Variants in DTNA observed in about 807,000 individuals in gnomAD.
The protein encoded by DTNA is dystrophin-related protein 3.
DTNA carries 43 observed loss-of-function variants against 100.7 expected under a neutral mutation model. The ratio of observed to expected loss-of-function variants is 0.43; its 90% confidence interval spans 0.33 to 0.55. The LOEUF is 0.55. Among genes scored for constraint, DTNA ranks in the 20% least tolerant of loss-of-function variants. The pLI is 0.04. For synonymous variants in DTNA, 349 were observed against 347.9 expected (o/e 1.00, Z -0.04); for missense variants, 798 against 953.9 (o/e 0.84, Z 2.15).
intron 1 of DTNA, among the ~76,000 whole-genome samples, chr18:34,523,456 A>T (rs1326322625): frequency 6.6e-6 from 1 of 152,178 alleles, no homozygotes; most frequent in Non-Finnish European, 1.5e-5. Context: ...TAGAATAATA[A>T]TAATTATTAA....
chr18:34,586,470 C>A (rs1463066278), intron 1 of DTNA, among the ~76,000 whole-genome samples: 1 of 152,010 alleles, frequency 6.6e-6, no homozygotes, highest in African/African-American at 2.4e-5. Context: ...TATGAAGCAG[C>A]ATGAGTTCCT....
chr18:34,687,491 C>T (rs1238430783), intron 1 of DTNA, among the ~76,000 whole-genome samples: 1 of 152,148 alleles, frequency 6.6e-6, no homozygotes, highest in African/African-American at 2.4e-5. Flanking sequence ...TTTGATTGCA[C>T]TGTGGTCTGA....
intron 1 of DTNA, among the ~76,000 whole-genome samples, chr18:34,719,691 A>C (rs144826019): frequency 2.4e-3 from 364 of 152,336 alleles, no homozygotes; most frequent in African/African-American, 8.1e-3. Flanking sequence ...TATTTATGTC[A>C]TTCTACACCG....
intron 1 of DTNA, among the ~76,000 whole-genome samples, chr18:34,747,106 A>ATCTATCTATCTATCTATC: frequency 1.4e-4 from 1 of 7,354 alleles, no homozygotes; most frequent in Admixed American, 4.9e-3. Context: ...ATCTGTATCT[A>ATCTATCTATCTATCTATC]TATATATATA....
intron 1 of DTNA, among the ~76,000 whole-genome samples, chr18:34,503,782 C>T (rs1424362992): frequency 6.6e-6 from 1 of 150,562 alleles, no homozygotes; most frequent in Non-Finnish European, 1.5e-5. Flanking sequence ...TTACAGAATT[C>T]CACTTCTATA....
At chr18:34,877,634 A>T (rs752069084) in intron 18 of DTNA, 85 bp from the exon 19 acceptor site, 3 of 1,228,686 alleles carry the variant, frequency 2.4e-6, no homozygotes, top group Non-Finnish European at 3.5e-6. Flanking sequence ...GCTTTAGGTT[A>T]TTAATGGGAA....
chr18:34,610,347 G>A (rs1010954583), intron 1 of DTNA, among the ~76,000 whole-genome samples: 2 of 152,128 alleles, frequency 1.3e-5, no homozygotes, highest in African/African-American at 2.4e-5. Flanking sequence ...GGAGACTGAG[G>A]CAGGAGAGAT....
intron 1 of DTNA, among the ~76,000 whole-genome samples, chr18:34,734,637 G>A (rs1362818077): frequency 6.6e-6 from 1 of 152,040 alleles, no homozygotes; most frequent in Non-Finnish European, 1.5e-5. Flanking sequence ...TCTGAAGCTG[G>A]GAGACAGAAT....
chr18:34,872,285 A>C (rs1456498989), intron 17 of DTNA, among the ~76,000 whole-genome samples: 1 of 152,154 alleles, frequency 6.6e-6, no homozygotes, highest in African/African-American at 2.4e-5. Flanking sequence ...AGGAGGTGGA[A>C]GGGCCAGACA....
chr18:34,501,793 G>A (rs967534336), intron 1 of DTNA, among the ~76,000 whole-genome samples: 2 of 152,032 alleles, frequency 1.3e-5, no homozygotes, highest in Non-Finnish European at 2.9e-5. Flanking sequence ...CTCTCTCTTT[G>A]GCTTGCGGAT....
At chr18:34,704,433 G>A (rs1036497462) in intron 1 of DTNA, among the ~76,000 whole-genome samples, 3 of 152,136 alleles carry the variant, frequency 2.0e-5, no homozygotes, top group African/African-American at 7.2e-5. Flanking sequence ...AAGAATCTGG[G>A]AAAATACACC....
At chr18:34,683,852 AC>A (rs1248385211) in intron 1 of DTNA, among the ~76,000 whole-genome samples, 1 of 152,164 alleles carries the variant, frequency 6.6e-6, no homozygotes, top group Non-Finnish European at 1.5e-5. Context: ...TTAAAAAAAT[AC>A]CCTTGGGAAG....
At chr18:34,827,516 T>C in intron 9 of DTNA, 77 bp from the exon 10 acceptor site, 1 of 1,355,330 alleles carries the variant, frequency 7.4e-7, no homozygotes, top group Non-Finnish European at 1.1e-6. Flanking sequence ...TCCCGTTTCC[T>C]GGAGGGATGA....
At chr18:34,755,609 A>G (rs2092714872) in intron 1 of DTNA, 1 of 285,852 alleles carries the variant, frequency 3.5e-6, no homozygotes, top group East Asian at 9.1e-5. Context: ...TGGGATCCAC[A>G]ATATCTGTTC....
At chr18:34,661,308 A>G (rs1326825675) in intron 1 of DTNA, among the ~76,000 whole-genome samples, 1 of 152,216 alleles carries the variant, frequency 6.6e-6, no homozygotes, top group East Asian at 1.9e-4. Flanking sequence ...TACGTTGATC[A>G]TTCACACTAT....
intron 1 of DTNA, among the ~76,000 whole-genome samples, chr18:34,507,810 A>G (rs1244376700): frequency 6.6e-6 from 1 of 152,170 alleles, no homozygotes; most frequent in Non-Finnish European, 1.5e-5. Flanking sequence ...ATAGCCAGCT[A>G]TACAGGGGAT....
intron 1 of DTNA, among the ~76,000 whole-genome samples, chr18:34,531,032 T>C (rs577482837): frequency 1.2e-4 from 19 of 152,238 alleles, no homozygotes; most frequent in African/African-American, 4.6e-4. Context: ...ACTTAAGATA[T>C]TTATTTTTCT....
chr18:34,500,956 C>A (rs1183673779), intron 1 of DTNA, among the ~76,000 whole-genome samples: 1 of 152,082 alleles, frequency 6.6e-6, no homozygotes, highest in Non-Finnish European at 1.5e-5. Flanking sequence ...GTTTCCTTTT[C>A]TTGTCCTATT....
intron 1 of DTNA, among the ~76,000 whole-genome samples, chr18:34,702,667 C>T (rs945428678): frequency 6.6e-6 from 1 of 152,134 alleles, no homozygotes; most frequent in Non-Finnish European, 1.5e-5. Flanking sequence ...AATTTTCCAC[C>T]TATATCACCC....
Sources: gnomAD v4.1 joint callset for allele counts (sites outside exome capture counted in the v4.1 genomes callset) on GRCh38, gnomAD v4.1.1 for gene constraint, MANE v1.5 for transcripts, NCBI Gene and HGNC (gene_info 2026-07-23, HGNC 2026-07-21) for gene names.